The following KAZN variants were observed in gnomAD, a reference collection of about 807,000 sequenced individuals.
KAZN encodes kazrin.
In KAZN, 40 loss-of-function variants were observed where a neutral mutation model predicts 87.4. The ratio of observed to expected loss-of-function variants is 0.46; its 90% CI spans 0.36 to 0.60. The LOEUF is 0.60. KAZN is among the 20% of genes least tolerant of loss of function. The probability of loss-of-function intolerance (pLI) is 0.00; values close to 1 mark genes in which losing one functional copy is unlikely to be tolerated. For synonymous variants in KAZN, 466 were observed against 458.3 expected (o/e 1.02, Z -0.22); for missense variants, 898 against 1,073.9 (o/e 0.84, Z 2.29).
At chr1:15,110,056 CGT>C (rs1641468289) in intron 13 of KAZN, among the ~76,000 whole-genome samples, 3 of 61,564 alleles carry the variant, frequency 4.9e-5, no homozygotes, top group Admixed American at 2.2e-4. Flanking sequence ...TATATATGTG[CGT>C]GTGTGTGCCT....
chr1:15,110,259 T>TTGTGTGTGTGTATATG (rs56366078), intron 13 of KAZN, among the ~76,000 whole-genome samples: 2 of 151,318 alleles, frequency 1.3e-5, no homozygotes, highest in East Asian at 3.9e-4. Context: ...GTATGTGCAC[T>TTGTGTGTGTGTATATG]TGTGTGTGTA....
chr1:14,191,607 C>T (rs1646420998), intron 2 of KAZN, among the ~76,000 whole-genome samples: 1 of 152,098 alleles, frequency 6.6e-6, no homozygotes, highest in African/African-American at 2.4e-5. Context: ...CTCTGCTGAT[C>T]ATTGGAGTTA....
At chr1:14,616,589 G>T (rs1678261714) in intron 1 of KAZN, among the ~76,000 whole-genome samples, 1 of 152,108 alleles carries the variant, frequency 6.6e-6, no homozygotes. Flanking sequence ...CCATAAATCA[G>T]CGTCAGCGAA....
intron 1 of KAZN, among the ~76,000 whole-genome samples, chr1:13,923,893 G>GTAACTATAAGTT (rs1557723526): frequency 6.6e-6 from 1 of 152,162 alleles, no homozygotes; most frequent in Non-Finnish European, 1.5e-5. Context: ...TAAATCCTAG[G>GTAACTATAAGTT]ATTTGCTGAT....
chr1:15,062,335 C>G (rs1638865513), intron 6 of KAZN: 1 of 152,668 alleles, frequency 6.6e-6, no homozygotes, highest in Non-Finnish European at 1.5e-5. Context: ...GTGGAACTAT[C>G]TTAGCTGCCT....
At chr1:14,133,377 AAAAGAAAG>A (rs149462642) in intron 1 of KAZN, among the ~76,000 whole-genome samples, 5,041 of 71,870 alleles carry the variant, frequency 0.07, 298 homozygotes, top group East Asian at 0.089. Flanking sequence ...AAAAAAAAAA[AAAAGAAAG>A]AAAGAAAGAA....
In KAZN at chr1:14,407,200, C is replaced by A. The variant is rs149168586; in HGVS notation, c.250-191783C>A. On this transcript the variant is annotated intron_variant, in intron 2 of 16. Transcript: ENST00000636203. ...CCTCGTTTTTGTATTTTCAACAATG[C>A]TCCTGTGAACTCTTGTCCATGGCAG... Among the ~76,000 whole-genome samples the A allele has an allele frequency of 1.9e-3, 292 of 152,302 alleles. 1 individual carries two copies. Among genetic ancestry groups the A allele is most frequent in the African/African-American group, 7.0e-3 (289 of 41,558 alleles).
At chr1:14,423,348 G>A (rs534003607) in intron 2 of KAZN, among the ~76,000 whole-genome samples, 2 of 152,274 alleles carry the variant, frequency 1.3e-5, no homozygotes, top group Admixed American at 6.5e-5. Context: ...GGGTCATCAC[G>A]AGCTACCAGA....
chr1:14,892,191 C>A (rs1479475922), intron 1 of KAZN, among the ~76,000 whole-genome samples: 1 of 152,138 alleles, frequency 6.6e-6, no homozygotes, highest in South Asian at 2.1e-4. Context: ...GGGAGCCCAG[C>A]CCAGCACCTG....
At chr1:13,894,189 AG>A (rs1638946504) in intron 1 of KAZN, among the ~76,000 whole-genome samples, 1 of 152,120 alleles carries the variant, frequency 6.6e-6, no homozygotes, top group Non-Finnish European at 1.5e-5. Context: ...ATGCCCCCCC[AG>A]CCCCTGCTGG....
intron 2 of KAZN, among the ~76,000 whole-genome samples, chr1:14,455,427 G>A (rs72645943): frequency 0.042 from 6,431 of 152,144 alleles, 199 homozygotes; most frequent in African/African-American, 0.087. Context: ...ACCGGGATGC[G>A]GGGATCACTG....
chr1:14,358,460 T>A (rs980483123), intron 2 of KAZN, among the ~76,000 whole-genome samples: 1 of 152,216 alleles, frequency 6.6e-6, no homozygotes, highest in African/African-American at 2.4e-5. Flanking sequence ...TCTTGTATTT[T>A]GCTAGCTTTT....
chr1:15,072,514 A>G (rs566077756), intron 8 of KAZN, among the ~76,000 whole-genome samples: 2 of 152,190 alleles, frequency 1.3e-5, no homozygotes, highest in African/African-American at 2.4e-5. Flanking sequence ...AGAAACACTT[A>G]GACGCTGCTC....
chr1:14,989,116 C>T (rs1298838744), intron 2 of KAZN, among the ~76,000 whole-genome samples: 1 of 152,224 alleles, frequency 6.6e-6, no homozygotes, highest in East Asian at 1.9e-4. Context: ...CCCACACAAG[C>T]TCAGAGGAGC....
chr1:14,802,334 G>A (rs1455815056), intron 1 of KAZN, among the ~76,000 whole-genome samples: 1 of 151,822 alleles, frequency 6.6e-6, no homozygotes, highest in Admixed American at 6.6e-5. Flanking sequence ...AACCCGGGAA[G>A]CGGAGGTCGC....
At chr1:14,760,082 G>A (rs763222724) in intron 1 of KAZN, among the ~76,000 whole-genome samples, 11 of 152,032 alleles carry the variant, frequency 7.2e-5, no homozygotes, top group Non-Finnish European at 1.2e-4. Context: ...TACATTCCAG[G>A]TGGGTGTAAC....
chr1:14,973,964 C>T lies in KAZN; in HGVS notation c.418+13089C>T, dbSNP rs138099687. Reference sequence around the variant, plus strand: ...AGGGATTTGGCAGGGCTCAGCTAGGCGATTCTTAGGTTCTCTGTGGTGTCA... The same window carrying T: ...AGGGATTTGGCAGGGCTCAGCTAGGTGATTCTTAGGTTCTCTGTGGTGTCA... On this transcript the variant is annotated intron_variant, in intron 2 of 14. Transcript: ENST00000376030. 2.5e-4 allele frequency among the ~76,000 whole-genome samples: 38 copies of T among 151,990 alleles called. No homozygotes were observed. The East Asian group carries it at 3.9e-3, about 15-fold the overall frequency.
intron 1 of KAZN, among the ~76,000 whole-genome samples, chr1:14,873,816 A>C (rs1652449615): frequency 1.3e-5 from 2 of 152,294 alleles, no homozygotes; most frequent in African/African-American, 4.8e-5. Context: ...AGCAGTGCAA[A>C]GTGGGGCAAA....
intron 4 of KAZN, among the ~76,000 whole-genome samples, chr1:15,045,038 G>A (rs556761435): frequency 2.0e-5 from 3 of 152,004 alleles, no homozygotes; most frequent in African/African-American, 7.2e-5. Context: ...CAGAGGGTCC[G>A]GGTCGGGAGA....
Sources: gnomAD v4.1 joint callset for allele counts (sites outside exome capture counted in the v4.1 genomes callset) on GRCh38, gnomAD v4.1.1 for gene constraint, MANE v1.5 for transcripts, NCBI Gene and HGNC (gene_info 2026-07-23, HGNC 2026-07-21) for gene names.